The following PRMT8 variants were observed in gnomAD, a reference collection of about 807,000 sequenced individuals.
PRMT8 encodes the protein protein arginine N-methyltransferase 8.
Under a neutral mutation model 47.1 loss-of-function variants are expected in PRMT8, and 7 were observed. That is an observed-to-expected ratio of 0.15 (90% CI 0.08 to 0.28). The LOEUF (loss-of-function observed/expected upper bound fraction) is 0.28, where lower values mean the gene tolerates loss of function less well. PRMT8 is among the 10% of genes least tolerant of loss of function. The pLI, the probability that PRMT8 is intolerant of heterozygous loss-of-function variation, is 1.00. For synonymous variants in PRMT8, 188 were observed against 186.5 expected, an observed-to-expected ratio of 1.01 and a Z score of -0.07; for missense variants, 237 against 505.4, an observed-to-expected ratio of 0.47 and a Z score of 5.09.
intron 4 of PRMT8, among the ~76,000 whole-genome samples, chr12:3,568,020 A>C (rs1041559548): frequency 5.9e-5 from 9 of 151,774 alleles, no homozygotes; most frequent in Non-Finnish European, 1.0e-4. Flanking sequence ...TGTGGTGAGC[A>C]GAGATCACGC....
intron 3 of PRMT8, 38 bp from the exon 4 acceptor site, chr12:3,553,613 T>G (rs1294983917): frequency 6.5e-7 from 1 of 1,534,010 alleles, no homozygotes; most frequent in African/African-American, 1.4e-5. Flanking sequence ...CTGTGATTTT[T>G]TTTGACGCCT....
upstream of PRMT8, among the ~76,000 whole-genome samples, chr12:3,490,675 A>AAG (rs370069857): frequency 0.022 from 2,715 of 121,026 alleles, 55 homozygotes; most frequent in African/African-American, 0.03. Flanking sequence ...TTTGGGTACA[A>AAG]AGAGAGAGAG....
At chr12:3,471,941 A>G (rs1255172899) in intron 1 of PRMT8, among the ~76,000 whole-genome samples, 2 of 151,806 alleles carry the variant, frequency 1.3e-5, no homozygotes, top group African/African-American at 4.8e-5. Context: ...GAGAATGTTG[A>G]ATGAGGGAAG....
intron 1 of PRMT8, among the ~76,000 whole-genome samples, chr12:3,459,842 G>A (rs1865021443): frequency 6.6e-6 from 1 of 152,166 alleles, no homozygotes; most frequent in South Asian, 2.1e-4. Context: ...CATCTTTAGA[G>A]CTGGGGTGAG....
intron 1 of PRMT8, among the ~76,000 whole-genome samples, chr12:3,428,798 G>C (rs551039562): frequency 1.5e-5 from 2 of 137,722 alleles, no homozygotes; most frequent in South Asian, 2.3e-4. Context: ...CCTTGACTCT[G>C]TCTTTGTCTC....
chr12:3,512,614 A>AATTCTACT (rs552375179), intron 1 of PRMT8, among the ~76,000 whole-genome samples: 1 of 152,226 alleles, frequency 6.6e-6, no homozygotes, highest in South Asian at 2.1e-4. Context: ...AAATCCTGCT[A>AATTCTACT]ATTCTACTTT....
chr12:3,523,592 G>T (rs1035326994), intron 1 of PRMT8, among the ~76,000 whole-genome samples: 1 of 152,170 alleles, frequency 6.6e-6, no homozygotes, highest in Non-Finnish European at 1.5e-5. Context: ...GGGTGTAAAT[G>T]CCTGGGTTAA....
upstream of PRMT8, among the ~76,000 whole-genome samples, chr12:3,490,811 A>ATCGTAAT (rs1865381102): frequency 2.7e-5 from 4 of 147,888 alleles, no homozygotes; most frequent in South Asian, 8.9e-4. Context: ...CGTTCCCCAA[A>ATCGTAAT]TCGTAATTCG....
At chr12:3,394,362 CTTA>C (rs1864227113) in intron 1 of PRMT8, among the ~76,000 whole-genome samples, 2 of 151,982 alleles carry the variant, frequency 1.3e-5, no homozygotes, top group South Asian at 4.2e-4. Context: ...ATAGATAGCT[CTTA>C]TTATTTTGAA....
In PRMT8 at chr12:3,550,532, A is replaced by G. The variant is rs1565438679; in HGVS notation, c.417+441A>G. The G allele has an allele frequency of 5.7e-6, 1 of 176,582 alleles. No homozygotes were observed. The highest frequency in any genetic ancestry group is 2.3e-5 in the African/African-American group (1 of 43,140). The allele number at this position is 176,582 out of a possible 1,614,324, so 10.9% of individuals were successfully genotyped here. Reference sequence around the variant, plus strand: ...TGAGCTTAATAGCAGTCCCTTGCCCATAGGGTGATTGTGAGGATTAAATGA... The same window carrying G: ...TGAGCTTAATAGCAGTCCCTTGCCCGTAGGGTGATTGTGAGGATTAAATGA... On this transcript the variant is annotated intron_variant, in intron 3 of 9. Coordinates refer to ENST00000382622, the MANE Select transcript of PRMT8 (RefSeq NM_019854.5). The surrounding 1 kb of genome is among the most constrained non-coding windows in gnomAD (Gnocchi z 5.1).
chr12:3,444,611 G>A (rs1246008150), intron 1 of PRMT8, among the ~76,000 whole-genome samples: 1 of 152,248 alleles, frequency 6.6e-6, no homozygotes. Context: ...CTATATGACA[G>A]GTGAAGGGAA....
intron 1 of PRMT8, among the ~76,000 whole-genome samples, chr12:3,451,710 T>C (rs1344705794): frequency 6.6e-6 from 1 of 152,186 alleles, no homozygotes; most frequent in African/African-American, 2.4e-5. Context: ...TAGGCCGCAG[T>C]GCTGTTGATG....
intron 1 of PRMT8, among the ~76,000 whole-genome samples, chr12:3,522,934 G>T (rs1315504078): frequency 6.6e-6 from 1 of 152,038 alleles, no homozygotes; most frequent in Non-Finnish European, 1.5e-5. Flanking sequence ...TCCGTCATTG[G>T]GGGTGGATGC....
chr12:3,511,297 A>T (rs1229295236), intron 1 of PRMT8, among the ~76,000 whole-genome samples: 1 of 151,988 alleles, frequency 6.6e-6, no homozygotes, highest in Non-Finnish European at 1.5e-5. Context: ...AAATGGAGAG[A>T]TGTTTTTCCC....
chr12:3,534,615 C>CT (rs2137157571), intron 1 of PRMT8, among the ~76,000 whole-genome samples: 1 of 152,318 alleles, frequency 6.6e-6, no homozygotes, highest in East Asian at 1.9e-4. Flanking sequence ...TCTTTAAACT[C>CT]TGTCACCTTG....
intron 1 of PRMT8, among the ~76,000 whole-genome samples, chr12:3,437,913 C>T (rs1367940675): frequency 2.0e-5 from 3 of 152,270 alleles, no homozygotes; most frequent in East Asian, 3.9e-4. Flanking sequence ...CCAGTTAGCT[C>T]GAGCAGTAAC....
chr12:3,505,342 G>A (rs1040664704), intron 1 of PRMT8, among the ~76,000 whole-genome samples: 35 of 152,284 alleles, frequency 2.3e-4, no homozygotes, highest in African/African-American at 8.4e-4. Flanking sequence ...CACGGTGCCC[G>A]CCATATAGCA....
At chr12:3,563,263 G>C (rs1217789875) in intron 4 of PRMT8, among the ~76,000 whole-genome samples, 1 of 151,894 alleles carries the variant, frequency 6.6e-6, no homozygotes, top group Non-Finnish European at 1.5e-5. Context: ...AAGCACGTTG[G>C]GCCCTGAGCC....
At position 3,456,759 on chromosome 12, in the gene PRMT8, T is replaced by C. The variant is rs1864977816; in HGVS notation, c.48+75317T>C. Among the ~76,000 whole-genome samples, 1 of 152,010 alleles carries C rather than the reference T, an allele frequency of 6.6e-6. No homozygotes were observed. Among genetic ancestry groups the C allele is most frequent in the Non-Finnish European group, 1.5e-5 (1 of 68,032 alleles). ...AACGCCCGGAGCAGCCACCGTTTCT[T>C]ACACCCTTGACTAAGATTGAACAAG... On this transcript the variant is annotated intron_variant, in intron 1 of 9. Coordinates refer to the PRMT8 transcript ENST00000452611. The surrounding 1 kb of genome is among the most constrained non-coding windows in gnomAD (Gnocchi z 4.2).
Sources: gnomAD v4.1 joint callset for allele counts (sites outside exome capture counted in the v4.1 genomes callset) on GRCh38, gnomAD v4.1.1 for gene constraint, Gnocchi (gnomAD v3.1) non-coding constraint, MANE v1.5 for transcripts, NCBI Gene and HGNC (gene_info 2026-07-23, HGNC 2026-07-21) for gene names.